The following FAM131C variants were observed in gnomAD, a reference collection of about 807,000 sequenced individuals.
FAM131C encodes the protein protein FAM131C.
FAM131C carries 14 observed loss-of-function variants against 29.8 expected under a neutral mutation model. That is an observed-to-expected ratio of 0.47 (90% CI 0.31 to 0.73). The LOEUF is 0.73. FAM131C is among the 30% of genes least tolerant of loss of function. The pLI is 0.05. For missense variants in FAM131C, 252 were observed against 383.8 expected, an observed-to-expected ratio of 0.66 and a Z score of 2.87; for synonymous variants, 86 against 157.8, an observed-to-expected ratio of 0.54 and a Z score of 3.41.
At chr1:16,069,481 C>T (rs1049514186) in intron 1 of FAM131C, among the ~76,000 whole-genome samples, 1 of 152,158 alleles carries the variant, frequency 6.6e-6, no homozygotes, top group Non-Finnish European at 1.5e-5. Context: ...AATTTCTACT[C>T]TCACCCCCGA....
chr1:16,071,811 T>G (rs924815900), intron 1 of FAM131C, among the ~76,000 whole-genome samples: 2 of 152,164 alleles, frequency 1.3e-5, no homozygotes, highest in Non-Finnish European at 2.9e-5. Flanking sequence ...CAGGGTGACC[T>G]TAGCAGGCGT....
chr1:16,062,395 G>GGCCC, intron 3 of FAM131C, 104 bp downstream of exon 3: 3 of 640,686 alleles, frequency 4.7e-6, no homozygotes, highest in Non-Finnish European at 4.3e-6. Context: ...CCCCCCCCCC[G>GGCCC]CCCCAGGGCC....
chr1:16,059,392 G>A, intron 6 of FAM131C, 102 bp downstream of exon 6: 3 of 1,489,438 alleles, frequency 2.0e-6, no homozygotes, highest in Non-Finnish European at 2.7e-6. Flanking sequence ...GCTGAGAAAA[G>A]GAAGGGGCTT....
intron 1 of FAM131C, among the ~76,000 whole-genome samples, chr1:16,069,578 G>A (rs1476189950): frequency 3.9e-5 from 6 of 152,262 alleles, no homozygotes; most frequent in Non-Finnish European, 8.8e-5. Flanking sequence ...TGGGGCATGA[G>A]TGAGGAGGCA....
rs1570355812 is a variant in FAM131C, at chr1:16,063,711, C to G, written c.23-75G>C. On this transcript the variant is annotated intron_variant, in intron 1 of 6. Coordinates refer to ENST00000375662, the MANE Select transcript of FAM131C (RefSeq NM_182623.3). ...GCTTACAAAGCATGTTCAAGGCCCC[C>G]CCGTAAGGTGAGTATGGCCTTGTTT... 1.2e-5 allele frequency: 12 copies of G among 984,840 alleles called. No individual in the cohort carries two copies. The South Asian group carries it at 1.6e-4, about 13-fold the overall frequency. 61.0% of individuals were successfully genotyped at this position (984,840 alleles called of 1,614,324 possible). A position where few individuals can be genotyped will look rare whatever the true frequency, so the allele number is the denominator to read the frequency against.
rs2023614371 is a variant in FAM131C, at chr1:16,062,399, C to T, written c.174+100G>A. On this transcript the variant is annotated intron_variant, in intron 3 of 6. Transcript: ENST00000375662. The stretch of plus-strand genomic sequence containing the variant: ...CATCAGGCCCCCCCCCCCCCCGCCC[C>T]AGGGCCAGCAGGACTGTGTGCCTGG... 10 of 1,288,758 alleles carry T rather than the reference C, an allele frequency of 7.8e-6. No homozygotes were observed. The African/African-American group carries it at 9.3e-5, about 12-fold the overall frequency. The allele number at this position is 1,288,758 out of a possible 1,614,324, so 79.8% of individuals were successfully genotyped here. A position where few individuals can be genotyped will look rare whatever the true frequency, so the allele number is the denominator to read the frequency against.
In FAM131C at chr1:16,063,123, A is replaced by T. The variant is rs536845406; in HGVS notation, c.138+398T>A. ...TAAAATTTTAATATATATAATATATAAATTATATTCATATAAATTATATAT... is the reference window on the plus strand; with the variant it reads ...TAAAATTTTAATATATATAATATATTAATTATATTCATATAAATTATATAT... On this transcript the variant is annotated intron_variant, in intron 2 of 6. Coordinates refer to ENST00000375662, the MANE Select transcript of FAM131C (RefSeq NM_182623.3). 2.0e-5 allele frequency among the ~76,000 whole-genome samples: 3 copies of T among 147,696 alleles called. No homozygotes were observed. In the South Asian group the frequency reaches 6.3e-4, roughly 31 times the overall value.
In FAM131C at chr1:16,063,541, G is replaced by T. The variant is rs2023635108; in HGVS notation, c.118C>A (p.Pro40Thr). ...LPSGRTPTVA[P>T]DCVIGKDKQM... Reference sequence around the variant, plus strand: ...GTTACCTTGCCAATGACACAGTCTGGAGCCACGGTGGGAGTGCGGCCCGAG... The same window carrying T: ...GTTACCTTGCCAATGACACAGTCTGTAGCCACGGTGGGAGTGCGGCCCGAG... The change falls in exon 2 of 7, where the codon CCA (proline) becomes ACA (threonine). Residue 40 changes from proline to threonine, a missense_variant. Pro to Thr is a conservative substitution (Grantham distance 38). Around this residue, in one of 6 missense-constraint regions of FAM131C, gnomAD observed 76 missense variants for 62.8 expected, o/e 1.21. Transcript: ENST00000375662. 3 of 1,613,684 alleles carry T rather than the reference G, an allele frequency of 1.9e-6. No homozygotes were observed. Among genetic ancestry groups the T allele is most frequent in the African/African-American group, 1.3e-5 (1 of 74,922 alleles).
intron 1 of FAM131C, among the ~76,000 whole-genome samples, chr1:16,070,488 C>T (rs1379649458): frequency 6.6e-6 from 1 of 152,092 alleles, no homozygotes; most frequent in Non-Finnish European, 1.5e-5. Flanking sequence ...GCTGTCTGCA[C>T]AGACAGGTAA....
chr1:16,063,839 T>C (rs1260430330), intron 1 of FAM131C, among the ~76,000 whole-genome samples: 1 of 149,650 alleles, frequency 6.7e-6, no homozygotes, highest in Non-Finnish European at 1.5e-5. Flanking sequence ...ATTACTGGCC[T>C]CATCTTCTTT....
chr1:16,062,389 C>CA, intron 3 of FAM131C, 110 bp downstream of exon 3: 4 of 1,243,012 alleles, frequency 3.2e-6, no homozygotes, highest in South Asian at 3.1e-5. Flanking sequence ...GGCCCCCCCC[C>CA]CCCCCGCCCC....
At chr1:16,070,428 G>T (rs977890623) in intron 1 of FAM131C, among the ~76,000 whole-genome samples, 2 of 152,194 alleles carry the variant, frequency 1.3e-5, no homozygotes, top group Admixed American at 1.3e-4. Flanking sequence ...GGCAGGATGT[G>T]GCTTAAAACC....
At chr1:16,072,857 G>T (rs757187155) in intron 1 of FAM131C, among the ~76,000 whole-genome samples, 27 of 152,032 alleles carry the variant, frequency 1.8e-4, no homozygotes, top group Non-Finnish European at 1.2e-4. Context: ...TCTGTCCCCT[G>T]TCCAAGGATG....
At chr1:16,063,045 C>T (rs551381384) in intron 2 of FAM131C, among the ~76,000 whole-genome samples, 5,825 of 138,644 alleles carry the variant, frequency 0.042, 131 homozygotes, top group African/African-American at 0.059. Flanking sequence ...ATTTGGGGTC[C>T]CTTGTGACCC....
chr1:16,062,392 C>CA, intron 3 of FAM131C, 107 bp downstream of exon 3: 2 of 1,291,288 alleles, frequency 1.5e-6, no homozygotes, highest in Non-Finnish European at 2.1e-6. Flanking sequence ...CCCCCCCCCC[C>CA]CCGCCCCAGG....
chr1:16,061,105 T>A (rs571047774), intron 4 of FAM131C, among the ~76,000 whole-genome samples: 1 of 152,142 alleles, frequency 6.6e-6, no homozygotes, highest in South Asian at 2.1e-4. Flanking sequence ...AATGGCAATA[T>A]TTAAGTAGGA....
intron 2 of FAM131C, among the ~76,000 whole-genome samples, chr1:16,063,232 G>T (rs1446465835): frequency 6.6e-6 from 1 of 151,422 alleles, no homozygotes; most frequent in Non-Finnish European, 1.5e-5. Context: ...GGCTGCTCAG[G>T]AGTAGCGGGC....
In FAM131C at chr1:16,060,014, G is replaced by A. The variant is rs766408072; in HGVS notation, c.306C>T (p.Pro102=). The A allele has an allele frequency of 2.0e-6, 3 of 1,525,838 alleles. No individual in the cohort carries two copies. The South Asian group carries it at 3.6e-5, about 18-fold the overall frequency. 94.5% of individuals were successfully genotyped at this position (1,525,838 alleles called of 1,614,324 possible). Reference sequence around the variant, plus strand: ...CCACGCGGCCTCGGGCCATGGCCGTGGGCTTTGTGATGTGGTCCTTGATGC... The same window carrying A: ...CCACGCGGCCTCGGGCCATGGCCGTAGGCTTTGTGATGTGGTCCTTGATGC... ...VQSIKDHITK[P]TAMARGRVAH... The change falls in exon 5 of 7, where the codon CCC becomes CCT. Residue 102 remains proline (P), a synonymous_variant. Transcript: ENST00000375662.
chr1:16,059,318 T>C (rs547983164), intron 6 of FAM131C, among the ~76,000 whole-genome samples, 176 bp downstream of exon 6: 107 of 151,230 alleles, frequency 7.1e-4, no homozygotes, highest in Non-Finnish European at 1.2e-3. Context: ...TTCCTGCTCC[T>C]GGCACTGCCG....
Sources: allele counts gnomAD v4.1 joint callset (sites outside exome capture counted in the v4.1 genomes callset), GRCh38; gene constraint gnomAD v4.1.1; regional missense constraint gnomAD v4.1.1; transcripts MANE v1.5; gene names NCBI Gene and HGNC (gene_info 2026-07-23, HGNC 2026-07-21).